RBMS3: variants seen among roughly 807,000 people sequenced by gnomAD.
RBMS3 encodes RNA-binding motif, single-stranded-interacting protein 3.
RBMS3 carries 27 observed loss-of-function variants against 66.8 expected under a neutral mutation model. The ratio of observed to expected loss-of-function variants is 0.40; its 90% CI spans 0.30 to 0.56. The LOEUF (loss-of-function observed/expected upper bound fraction) is 0.56, where lower values mean the gene tolerates loss of function less well. RBMS3 is among the 20% of genes least tolerant of loss of function. The pLI, the probability that RBMS3 is intolerant of heterozygous loss-of-function variation, is 0.40. For synonymous variants in RBMS3, 188 were observed against 183.0 expected (o/e 1.03, Z -0.22); for missense variants, 513 against 549.5 (o/e 0.93, Z 0.66).
intron 6 of RBMS3, among the ~76,000 whole-genome samples, chr3:29,845,438 T>C (rs1370094367): frequency 2.6e-5 from 4 of 152,218 alleles, no homozygotes; most frequent in Non-Finnish European, 4.4e-5. Context: ...CATGCATTTA[T>C]ATTCATTTTA....
chr3:29,304,266 C>A (rs1019505358), intron 1 of RBMS3, among the ~76,000 whole-genome samples: 1 of 151,936 alleles, frequency 6.6e-6, no homozygotes, highest in South Asian at 2.1e-4. Context: ...CTAGGGATAA[C>A]GTATGCAACT....
chr3:29,595,107 A>G (rs545455238), intron 4 of RBMS3, among the ~76,000 whole-genome samples: 33 of 152,244 alleles, frequency 2.2e-4, no homozygotes, highest in African/African-American at 7.9e-4. Flanking sequence ...TTCAACCTAT[A>G]AGAAATATCG....
At chr3:29,568,822 T>C (rs1212771101) in intron 3 of RBMS3, among the ~76,000 whole-genome samples, 1 of 152,180 alleles carries the variant, frequency 6.6e-6, no homozygotes, top group Non-Finnish European at 1.5e-5. Flanking sequence ...AAAGAGATTG[T>C]AGGAAGATTG....
intron 1 of RBMS3, among the ~76,000 whole-genome samples, chr3:29,382,793 G>A (rs923090083): frequency 2.0e-5 from 3 of 152,064 alleles, no homozygotes; most frequent in African/African-American, 7.2e-5. Context: ...GTTCTTTACA[G>A]TTTTAATATA....
At chr3:29,690,810 C>T (rs1031541013) in intron 4 of RBMS3, among the ~76,000 whole-genome samples, 1 of 152,126 alleles carries the variant, frequency 6.6e-6, no homozygotes, top group Non-Finnish European at 1.5e-5. Flanking sequence ...CTTTTTGCTA[C>T]AATTTGTTTA....
At chr3:29,456,874 A>G (rs1023992866) in intron 2 of RBMS3, among the ~76,000 whole-genome samples, 13 of 152,232 alleles carry the variant, frequency 8.5e-5, no homozygotes, top group South Asian at 2.1e-4. Flanking sequence ...TTAAAAGTAT[A>G]TAACTAACTT....
chr3:29,776,752 G>A (rs2056440182), intron 6 of RBMS3, among the ~76,000 whole-genome samples: 1 of 151,892 alleles, frequency 6.6e-6, no homozygotes, highest in African/African-American at 2.4e-5. Flanking sequence ...TCATTGATGA[G>A]CATTATCTGG....
chr3:29,647,745 G>A (rs975796641), intron 4 of RBMS3, among the ~76,000 whole-genome samples: 45 of 152,230 alleles, frequency 3.0e-4, no homozygotes, highest in African/African-American at 9.6e-4. Context: ...TCTGATATAG[G>A]CATATGATTC....
chr3:29,732,437 A>G (rs2054178289), intron 4 of RBMS3, among the ~76,000 whole-genome samples: 2 of 152,188 alleles, frequency 1.3e-5, no homozygotes, highest in South Asian at 2.1e-4. Flanking sequence ...ATTCAAAAAT[A>G]GCCCCATAGA....
intron 4 of RBMS3, among the ~76,000 whole-genome samples, chr3:29,716,128 T>G (rs1285897164): frequency 3.9e-5 from 6 of 152,144 alleles, no homozygotes; most frequent in Non-Finnish European, 7.4e-5. Context: ...CTTTTACATA[T>G]TGTTGATAGA....
chr3:29,326,951 C>T (rs1225111384), intron 1 of RBMS3, among the ~76,000 whole-genome samples: 1 of 152,060 alleles, frequency 6.6e-6, no homozygotes, highest in Non-Finnish European at 1.5e-5. Flanking sequence ...AGGATGGTCT[C>T]GATCTCCTGA....
At chr3:29,914,717 C>T (rs565375504) in intron 10 of RBMS3, among the ~76,000 whole-genome samples, 5 of 151,818 alleles carry the variant, frequency 3.3e-5, no homozygotes, top group South Asian at 2.1e-4. Flanking sequence ...TCTTAGGGAA[C>T]TGACCACAGT....
chr3:29,334,692 G>C (rs60640803), intron 1 of RBMS3, among the ~76,000 whole-genome samples: 1 of 151,996 alleles, frequency 6.6e-6, no homozygotes, highest in Non-Finnish European at 1.5e-5. Flanking sequence ...GTCAGGACAT[G>C]TCGTTGTTCA....
At chr3:29,369,458 C>T (rs1209300426) in intron 1 of RBMS3, among the ~76,000 whole-genome samples, 2 of 149,326 alleles carry the variant, frequency 1.3e-5, no homozygotes, top group East Asian at 4.1e-4. Context: ...CCAGTGTCCC[C>T]ACCTCAGATT....
At chr3:29,762,014 C>T (rs9821929) in intron 5 of RBMS3, among the ~76,000 whole-genome samples, 72,380 of 151,876 alleles carry the variant, frequency 0.48, 17,844 homozygotes, top group African/African-American at 0.6. Context: ...CAGATATTAT[C>T]CATTATTTGG....
At chr3:29,721,968 A>G (rs1229790265) in intron 4 of RBMS3, among the ~76,000 whole-genome samples, 2 of 152,102 alleles carry the variant, frequency 1.3e-5, no homozygotes, top group East Asian at 3.9e-4. Flanking sequence ...ACAAATAAAC[A>G]CTGTCCAAGG....
At chr3:29,968,531 C>G (rs1308685070) in intron 12 of RBMS3, among the ~76,000 whole-genome samples, 1 of 145,916 alleles carries the variant, frequency 6.9e-6, no homozygotes, top group Non-Finnish European at 1.5e-5. Context: ...GCTGCTTCCT[C>G]TATCCCTGTA....
intron 6 of RBMS3, among the ~76,000 whole-genome samples, chr3:29,768,726 A>G (rs2056044458): frequency 6.6e-6 from 1 of 151,958 alleles, no homozygotes. Context: ...AGAAGATAAC[A>G]TTGGGTCTCT....
chr3:29,678,706 G>A (rs1383788775), intron 4 of RBMS3, among the ~76,000 whole-genome samples: 1 of 152,120 alleles, frequency 6.6e-6, no homozygotes, highest in African/African-American at 2.4e-5. Flanking sequence ...GAAAGAGATA[G>A]TATAACAATT....
Sources: allele counts gnomAD v4.1 joint callset (sites outside exome capture counted in the v4.1 genomes callset), GRCh38; gene constraint gnomAD v4.1.1; transcripts MANE v1.5; gene names NCBI Gene and HGNC (gene_info 2026-07-23, HGNC 2026-07-21).